Variants in EFHD1 observed in about 807,000 individuals in gnomAD.
EFHD1 encodes the protein EF-hand domain family member D1.
EFHD1 carries 10 observed loss-of-function variants against 17.2 expected under a neutral mutation model. The observed-to-expected ratio is 0.58, with a 90% confidence interval of 0.36 to 0.99. The LOEUF (loss-of-function observed/expected upper bound fraction) is 0.99, where lower values mean the gene tolerates loss of function less well. EFHD1 is among the 50% of genes least tolerant of loss of function. EFHD1 has a pLI of 0.01. For synonymous variants in EFHD1, 153 were observed against 142.0 expected (o/e 1.08, Z -0.55); for missense variants, 310 against 327.5 (o/e 0.95, Z 0.41).
At chr2:232,662,645 GGA>G (rs1373135510) in intron 1 of EFHD1, 155 bp from the exon 2 acceptor site, 2 of 929,270 alleles carry the variant, frequency 2.2e-6, no homozygotes, top group African/African-American at 1.7e-5. Flanking sequence ...AGCGCTCTGA[GGA>G]GAGAGGGGTT....
At chr2:232,622,593 T>A (rs1247771814) in intron 1 of EFHD1, among the ~76,000 whole-genome samples, 1 of 151,558 alleles carries the variant, frequency 6.6e-6, no homozygotes, top group Non-Finnish European at 1.5e-5. Flanking sequence ...AACACCTTGG[T>A]GAGAGGTGAG....
At chr2:232,624,229 C>T (rs1057328735) in intron 1 of EFHD1, among the ~76,000 whole-genome samples, 6 of 152,184 alleles carry the variant, frequency 3.9e-5, no homozygotes, top group African/African-American at 1.4e-4. Flanking sequence ...GCTGAGCCTA[C>T]CCAGGGAACC....
chr2:232,649,087 C>T (rs913562380), intron 1 of EFHD1, among the ~76,000 whole-genome samples: 5 of 152,164 alleles, frequency 3.3e-5, no homozygotes, highest in Non-Finnish European at 7.3e-5. Flanking sequence ...AGTTAGAAAA[C>T]CAAGAAAGCC....
intron 1 of EFHD1, among the ~76,000 whole-genome samples, chr2:232,612,582 TC>T (rs1414222795): frequency 1.3e-5 from 2 of 152,114 alleles, no homozygotes; most frequent in Non-Finnish European, 2.9e-5. Flanking sequence ...TGATACCATT[TC>T]CACCCCATTG....
intron 3 of EFHD1, among the ~76,000 whole-genome samples, chr2:232,675,059 C>A (rs1004585473): frequency 2.6e-5 from 4 of 151,770 alleles, no homozygotes; most frequent in African/African-American, 9.7e-5. Flanking sequence ...ACCTGTAATC[C>A]CAGCTACTTG....
intron 1 of EFHD1, among the ~76,000 whole-genome samples, chr2:232,621,453 C>CTT (rs1694016184): frequency 6.6e-6 from 1 of 151,676 alleles, no homozygotes; most frequent in African/African-American, 2.4e-5. Context: ...TTCGTTTTTT[C>CTT]TTTCTTTTTT....
At chr2:232,646,873 G>GC (rs1281449114) in intron 1 of EFHD1, among the ~76,000 whole-genome samples, 1 of 152,244 alleles carries the variant, frequency 6.6e-6, no homozygotes, top group East Asian at 1.9e-4. Flanking sequence ...CCAGGGCTTG[G>GC]CCCAAGGCCA....
intron 1 of EFHD1, among the ~76,000 whole-genome samples, chr2:232,651,016 T>C (rs1160194560): frequency 6.6e-6 from 1 of 152,148 alleles, no homozygotes; most frequent in Non-Finnish European, 1.5e-5. Context: ...AGATGTAGGC[T>C]GTAGGGAGAA....
intron 1 of EFHD1, among the ~76,000 whole-genome samples, chr2:232,636,830 T>TA (rs1281901211): frequency 6.6e-6 from 1 of 152,164 alleles, no homozygotes; most frequent in South Asian, 2.1e-4. Context: ...CTCAAAAAAA[T>TA]AAAAAAAGTA....
chr2:232,614,357 T>C (rs907522670), intron 1 of EFHD1, among the ~76,000 whole-genome samples: 31 of 152,194 alleles, frequency 2.0e-4, no homozygotes, highest in African/African-American at 7.5e-4. Flanking sequence ...CTCTGCCTTC[T>C]CTGAGACAGC....
chr2:232,636,420 T>G (rs1408892387), intron 1 of EFHD1, among the ~76,000 whole-genome samples: 2 of 152,220 alleles, frequency 1.3e-5, no homozygotes, highest in Non-Finnish European at 2.9e-5. Flanking sequence ...TTGTGGGGAT[T>G]AAATTAATTC....
chr2:232,613,831 T>TAC (rs536280141), intron 1 of EFHD1, among the ~76,000 whole-genome samples: 5,619 of 142,204 alleles, frequency 0.04, 336 homozygotes, highest in African/African-American at 0.14. Flanking sequence ...CACACAAATA[T>TAC]ACACACATAC....
intron 1 of EFHD1, chr2:232,610,675 C>G (rs1009710258): frequency 6.6e-6 from 1 of 151,970 alleles, no homozygotes; most frequent in African/African-American, 2.4e-5. Flanking sequence ...CTCAGGAGTG[C>G]GAGACCACCC....
chr2:232,633,428 G>A, upstream of EFHD1: 1 of 1,209,380 alleles, frequency 8.3e-7, no homozygotes, highest in African/African-American at 1.6e-5. Context: ...CGCGGGGAGA[G>A]GAAGCAGGTC....
At chr2:232,663,002 T>G in intron 2 of EFHD1, 53 bp downstream of exon 2, 1 of 1,498,354 alleles carries the variant, frequency 6.7e-7, no homozygotes, top group South Asian at 1.4e-5. Flanking sequence ...GAGAGGACCT[T>G]CAGGTGTACA....
chr2:232,627,060 ATATAT>A (rs1206183108), intron 1 of EFHD1, among the ~76,000 whole-genome samples: 156 of 117,688 alleles, frequency 1.3e-3, no homozygotes, highest in Middle Eastern at 4.5e-3. Flanking sequence ...ATATATATAT[ATATAT>A]TTTTTTTTTT....
In EFHD1 at chr2:232,633,901, A is replaced by G; in HGVS notation, c.197A>G (p.Asn66Ser). ...CAGCTGAGCCGGCGGCTGGACATCA[A>G]CGAGGGCGCTGCGCGGCCCCGGCGC... is the stretch of plus-strand genomic sequence containing the variant. ...SAQLSRRLDI[N>S]EGAARPRRCR... The change falls in exon 1 of 4, where the codon AAC (asparagine) becomes AGC (serine). Residue 66 changes from asparagine (N) to serine (S), a missense_variant. Transcript: ENST00000264059. 2 of 1,574,264 alleles carry G rather than the reference A, an allele frequency of 1.3e-6. No homozygotes were observed. Among genetic ancestry groups the G allele is most frequent in the Non-Finnish European group, 1.7e-6 (2 of 1,169,996 alleles).
upstream of EFHD1, among the ~76,000 whole-genome samples, chr2:232,632,824 C>T (rs1049542438): frequency 6.6e-6 from 1 of 152,180 alleles, no homozygotes; most frequent in Non-Finnish European, 1.5e-5. Context: ...GACAGTCTAA[C>T]TATGTTGCCC....
At chr2:232,615,813 G>A (rs568299593) in intron 1 of EFHD1, among the ~76,000 whole-genome samples, 61 of 149,366 alleles carry the variant, frequency 4.1e-4, no homozygotes, top group Non-Finnish European at 7.0e-4. Context: ...TCAGTCTCCC[G>A]AGTAGCTGGG....
Sources: allele counts gnomAD v4.1 joint callset (sites outside exome capture counted in the v4.1 genomes callset), GRCh38; gene constraint gnomAD v4.1.1; transcripts MANE v1.5; gene names NCBI Gene and HGNC (gene_info 2026-07-23, HGNC 2026-07-21).